The following MACROD2 variants were observed in gnomAD, a reference collection of about 807,000 sequenced individuals.
The protein encoded by MACROD2 is mono-ADP ribosylhydrolase 2.
MACROD2 carries 36 observed loss-of-function variants against 70.4 expected under a neutral mutation model. The ratio of observed to expected loss-of-function variants is 0.51; its 90% CI spans 0.39 to 0.68. MACROD2 has a LOEUF of 0.68. MACROD2 is among the 30% of genes least tolerant of loss of function. The pLI is 0.00. For missense variants in MACROD2, 496 were observed against 538.4 expected (o/e 0.92, Z 0.78); for synonymous variants, 172 against 178.8 (o/e 0.96, Z 0.30).
chr20:14,829,892 C>T (rs914758287), intron 5 of MACROD2, among the ~76,000 whole-genome samples: 3 of 152,066 alleles, frequency 2.0e-5, no homozygotes, highest in Admixed American at 6.6e-5. Context: ...TAAAACTCTA[C>T]AACTATTATT....
rs80283951 is a variant in MACROD2 at position 15,399,162 on chromosome 20, G to A, written c.541-32243G>A. ...CAAGCAGACAGGGTTCAGTTAGGCT[G>A]AAAAGGGAGGAAATGGATATTAGAC... On this transcript the variant is annotated intron_variant, in intron 6 of 17. Coordinates refer to ENST00000684519, the MANE Select transcript of MACROD2 (RefSeq NM_001351661.2). Among the ~76,000 whole-genome samples, 375 of 152,278 alleles carry A rather than the reference G, an allele frequency of 2.5e-3. 2 individuals carry two copies. Among genetic ancestry groups the A allele is most frequent in the African/African-American group, 8.6e-3 (357 of 41,546 alleles).
intron 6 of MACROD2, among the ~76,000 whole-genome samples, chr20:15,349,989 G>A (rs2078210288): frequency 6.6e-6 from 1 of 152,114 alleles, no homozygotes; most frequent in African/African-American, 2.4e-5. Context: ...GCTGATAGAT[G>A]AAAGAAAACT....
At chr20:14,525,535 A>G (rs144300431) in intron 4 of MACROD2, among the ~76,000 whole-genome samples, 327 of 152,358 alleles carry the variant, frequency 2.1e-3, no homozygotes, top group African/African-American at 7.3e-3. Context: ...TATGTAATGA[A>G]TAAATGATAA....
At chr20:14,545,956 G>T (rs746677940) in intron 4 of MACROD2, among the ~76,000 whole-genome samples, 68 of 152,262 alleles carry the variant, frequency 4.5e-4, no homozygotes, top group Non-Finnish European at 4.6e-4. Context: ...TGCATTGACT[G>T]GCCGCTTGTA....
intron 12 of MACROD2, among the ~76,000 whole-genome samples, chr20:15,958,227 A>G (rs1014685353): frequency 3.3e-5 from 5 of 152,148 alleles, no homozygotes; most frequent in African/African-American, 1.2e-4. Flanking sequence ...AAATACTGAA[A>G]CATTTACATA....
intron 8 of MACROD2, among the ~76,000 whole-genome samples, chr20:15,626,040 G>A (rs565304249): frequency 6.6e-6 from 1 of 152,232 alleles, no homozygotes; most frequent in Admixed American, 6.5e-5. Context: ...TCCAGTGAGT[G>A]AGGCCGTGTG....
chr20:14,022,206 C>T (rs180767746), intron 2 of MACROD2, among the ~76,000 whole-genome samples: 2 of 152,148 alleles, frequency 1.3e-5, no homozygotes, highest in East Asian at 1.9e-4. Context: ...ATTTTATATT[C>T]CATTGAGGAG....
At chr20:15,690,782 A>G (rs1239946712) in intron 8 of MACROD2, among the ~76,000 whole-genome samples, 4 of 152,192 alleles carry the variant, frequency 2.6e-5, no homozygotes, top group Admixed American at 2.6e-4. Flanking sequence ...CCATGATGAC[A>G]TGACCAACCA....
rs549909721 is a variant in MACROD2, at chr20:15,876,196, T to C, written c.728-9568T>C. Among the ~76,000 whole-genome samples, 241 of 150,460 alleles carry C rather than the reference T, an allele frequency of 1.6e-3. 2 individuals are homozygous for C. Among genetic ancestry groups the C allele is most frequent in the Non-Finnish European group, 1.7e-3 (116 of 67,918 alleles). On this transcript the variant is annotated intron_variant, in intron 9 of 17. Coordinates refer to ENST00000684519, the MANE Select transcript of MACROD2 (RefSeq NM_001351661.2). ...TTGTTACATATGTATACATGTGCCA[T>C]GTCGGTGTGCTGCACCCATTAACTC...
intron 5 of MACROD2, among the ~76,000 whole-genome samples, chr20:14,779,230 C>T (rs760042171): frequency 1.3e-5 from 2 of 152,046 alleles, no homozygotes; most frequent in Non-Finnish European, 2.9e-5. Context: ...TATTTCCCTT[C>T]GTCAATCAGA....
In MACROD2 at chr20:15,761,820, A is replaced by G. The variant is rs188786433; in HGVS notation, c.646-100925A>G. ...AAAAGAAAATAATGCCTGCCAAAGCAAAGCAACTCATTTTCCCCAGTAATG... is the reference window on the plus strand; with the variant it reads ...AAAAGAAAATAATGCCTGCCAAAGCGAAGCAACTCATTTTCCCCAGTAATG... On this transcript the variant is annotated intron_variant, in intron 8 of 17. Coordinates refer to ENST00000684519, the MANE Select transcript of MACROD2 (RefSeq NM_001351661.2). 1.3e-3 allele frequency among the ~76,000 whole-genome samples: 196 copies of G among 152,356 alleles called. 2 individuals carry two copies. Among genetic ancestry groups the G allele is most frequent in the Admixed American group, 0.012 (188 of 15,306 alleles).
At chr20:14,651,854 G>A (rs1270696643) in intron 4 of MACROD2, among the ~76,000 whole-genome samples, 1 of 152,162 alleles carries the variant, frequency 6.6e-6, no homozygotes, top group Non-Finnish European at 1.5e-5. Context: ...CTGTGTTGGT[G>A]CTACCTGGGG....
intron 5 of MACROD2, among the ~76,000 whole-genome samples, chr20:14,916,942 T>G (rs958357688): frequency 2.0e-5 from 3 of 151,850 alleles, no homozygotes; most frequent in East Asian, 1.9e-4. Flanking sequence ...GGAAGAGAGA[T>G]AATGGGGGAA....
intron 7 of MACROD2, among the ~76,000 whole-genome samples, chr20:15,491,782 G>T (rs1401662666): frequency 6.6e-6 from 1 of 151,284 alleles, no homozygotes; most frequent in Non-Finnish European, 1.5e-5. Context: ...TGGGTAAAAG[G>T]GGCTGGCACC....
At chr20:14,990,336 AG>A (rs1326963230) in intron 5 of MACROD2, among the ~76,000 whole-genome samples, 1 of 152,030 alleles carries the variant, frequency 6.6e-6, no homozygotes, top group African/African-American at 2.4e-5. Flanking sequence ...TAAGAAGCCC[AG>A]GGTAGTTATT....
chr20:14,757,391 T>A (rs554878104), intron 5 of MACROD2, among the ~76,000 whole-genome samples: 23 of 152,232 alleles, frequency 1.5e-4, no homozygotes, highest in African/African-American at 5.1e-4. Flanking sequence ...TACTCTCAAA[T>A]GTACTAAGGA....
chr20:14,458,341 A>G (rs2084327843), intron 3 of MACROD2, among the ~76,000 whole-genome samples: 2 of 152,176 alleles, frequency 1.3e-5, no homozygotes, highest in African/African-American at 4.8e-5. Context: ...GTAAGACTTT[A>G]AAAATTATGG....
chr20:15,765,619 T>C (rs1309049410), intron 8 of MACROD2, among the ~76,000 whole-genome samples: 3 of 152,230 alleles, frequency 2.0e-5, no homozygotes, highest in Non-Finnish European at 4.4e-5. Context: ...ACTGTTTGCA[T>C]ATATTTATGT....
At chr20:15,928,792 A>G (rs939086040) in intron 10 of MACROD2, among the ~76,000 whole-genome samples, 3 of 152,230 alleles carry the variant, frequency 2.0e-5, no homozygotes, top group Non-Finnish European at 4.4e-5. Context: ...CATTATATTG[A>G]TGGCAGTGCA....
Sources: allele counts gnomAD v4.1 joint callset (sites outside exome capture counted in the v4.1 genomes callset), GRCh38; gene constraint gnomAD v4.1.1; transcripts MANE v1.5; gene names NCBI Gene and HGNC (gene_info 2026-07-23, HGNC 2026-07-21).